The following PAXIP1 variants were observed in gnomAD, a reference collection of about 807,000 sequenced individuals.
PAXIP1 encodes PAX-interacting protein 1.
PAXIP1 carries 19 observed loss-of-function variants against 140.6 expected under a neutral mutation model. The ratio of observed to expected loss-of-function variants is 0.14; its 90% CI spans 0.09 to 0.20. The LOEUF (loss-of-function observed/expected upper bound fraction) is 0.20, where lower values mean the gene tolerates loss of function less well. Ranked by LOEUF, PAXIP1 falls within the 10% of genes least tolerant of loss-of-function variation. The pLI is 1.00. For synonymous variants in PAXIP1, 442 were observed against 444.6 expected (o/e 0.99, Z 0.07); for missense variants, 920 against 1,208.6 (o/e 0.76, Z 3.54).
At chr7:154,949,617 C>T (rs924966585) in intron 16 of PAXIP1, 4 of 152,132 alleles carry the variant, frequency 2.6e-5, no homozygotes, top group East Asian at 3.9e-4. Context: ...AGAGAAAACA[C>T]CACCGGGCGC....
At position 154,976,037 on chromosome 7, in the gene PAXIP1, C is replaced by T. The variant is rs931082587; in HGVS notation, c.733G>A (p.Gly245Arg). 8 of 1,608,232 alleles carry T rather than the reference C, an allele frequency of 5.0e-6. No individual in the cohort carries two copies. The highest frequency in any genetic ancestry group is 6.8e-6 in the Non-Finnish European group (8 of 1,176,810). ...GAAGAATCATCAAACATTAATTCCCCTTTAGATTTTTCAGTGTTGGATTTA... is the reference window on the plus strand; with the variant it reads ...GAAGAATCATCAAACATTAATTCCCTTTTAGATTTTTCAGTGTTGGATTTA... Reference protein sequence around the residue: ...SPKSNTEKSKGELMFDDSSDS... With the variant: ...SPKSNTEKSKRELMFDDSSDS... The change falls in exon 6 of 21, where the codon GGG (glycine) becomes AGG (arginine). Residue 245 changes from glycine (G) to arginine (R), a missense_variant. By Grantham distance (125) the Gly-to-Arg change is moderately radical. Around this residue, in one of 5 missense-constraint regions of PAXIP1, gnomAD observed 419 missense variants for 514.7 expected, o/e 0.81. Transcript: ENST00000404141.
intron 6 of PAXIP1, among the ~76,000 whole-genome samples, 165 bp downstream of exon 6, chr7:154,975,523 TACACACAC>T (rs35537788): frequency 1.9e-3 from 291 of 150,058 alleles, no homozygotes; most frequent in African/African-American, 4.2e-3. Context: ...TATATACACA[TACACACAC>T]ACACACACAC....
intron 5 of PAXIP1, among the ~76,000 whole-genome samples, chr7:154,978,219 G>T (rs1333572801): frequency 6.6e-6 from 1 of 152,162 alleles, no homozygotes; most frequent in Non-Finnish European, 1.5e-5. Context: ...TTCCTCTTCG[G>T]TTGCACAGCT....
chr7:154,978,512 T>C (rs1226756064), intron 5 of PAXIP1, among the ~76,000 whole-genome samples: 1 of 152,206 alleles, frequency 6.6e-6, no homozygotes, highest in Non-Finnish European at 1.5e-5. Context: ...TTCTTAAATA[T>C]TTAAAAGCAT....
chr7:154,996,652 T>C (rs1585088915), intron 2 of PAXIP1, among the ~76,000 whole-genome samples: 1 of 152,240 alleles, frequency 6.6e-6, no homozygotes, highest in Non-Finnish European at 1.5e-5. Flanking sequence ...CTACCGGCAG[T>C]GACTCTACAT....
chr7:154,996,351 T>TA (rs1273157794), intron 2 of PAXIP1, among the ~76,000 whole-genome samples: 3 of 152,158 alleles, frequency 2.0e-5, no homozygotes, highest in Non-Finnish European at 4.4e-5. Context: ...ACAGATGAAA[T>TA]ATGTCTGTCA....
rs369857090 is a variant in PAXIP1 at position 154,963,725 on chromosome 7, C to T, written c.1935G>A (p.Thr645=). 3.0e-5 allele frequency: 48 copies of T among 1,613,584 alleles called. No homozygotes were observed. The highest frequency in any genetic ancestry group is 5.0e-5 in the Admixed American group (3 of 59,992). ...AHGGTVDPTF[T]SRCTHLLCES... The stretch of plus-strand genomic sequence containing the variant: ...CACAGAGAAGGTGCGTGCATCGACT[C>T]GTGAAGGTGGGGTCAACAGTGCCGC... The change falls in exon 9 of 21, where the codon ACG becomes ACA. Residue 645 remains threonine, a synonymous_variant. Transcript: ENST00000404141. This position sits in a 1 kb window ranked among gnomAD's most constrained non-coding sequence, Gnocchi z 4.1.
In PAXIP1 at chr7:154,980,305, C is replaced by T. The variant is rs376826771; in HGVS notation, c.438+2914G>A. On this transcript the variant is annotated intron_variant, in intron 5 of 20. Transcript: ENST00000404141. ...GTCACTAATGGCAATGATCACTTACCCTTTATGTCATCATTACAACAGATA... is the reference window on the plus strand; with the variant it reads ...GTCACTAATGGCAATGATCACTTACTCTTTATGTCATCATTACAACAGATA... 2.2e-4 allele frequency among the ~76,000 whole-genome samples: 34 copies of T among 151,920 alleles called. No individual in the cohort carries two copies. The South Asian group carries it at 6.0e-3, about 27-fold the overall frequency.
chr7:154,945,637 T>C (rs530474382), intron 20 of PAXIP1: 2 of 839,800 alleles, frequency 2.4e-6, no homozygotes, highest in Middle Eastern at 6.2e-4. Flanking sequence ...TCCAGCCTCA[T>C]TGCAGGAGGC....
At position 154,969,135 on chromosome 7, in the gene PAXIP1, C is replaced by T. The variant is rs1201902619; in HGVS notation, c.1075-9G>A. 6 of 1,454,778 alleles carry T rather than the reference C, an allele frequency of 4.1e-6. No homozygotes were observed. The highest frequency in any genetic ancestry group is 1.5e-5 in the South Asian group (1 of 68,208). The allele number at this position is 1,454,778 out of a possible 1,614,324, so 90.1% of individuals were successfully genotyped here. A position where few individuals can be genotyped will look rare whatever the true frequency, so the allele number is the denominator to read the frequency against. On this transcript the variant is annotated splice_polypyrimidine_tract_variant and intron_variant, in intron 6 of 20. Transcript: ENST00000404141. ...GAAAGAGTCTGTAAGATCTACAAAACAAAAGTTAGGTGAAACATTATCAAC... is the reference window on the plus strand; with the variant it reads ...GAAAGAGTCTGTAAGATCTACAAAATAAAAGTTAGGTGAAACATTATCAAC...
At chr7:154,949,770 C>G (rs755227888) in intron 16 of PAXIP1, 1 of 152,094 alleles carries the variant, frequency 6.6e-6, no homozygotes, top group Non-Finnish European at 1.5e-5. Context: ...CAGGCGTCGT[C>G]GTGGTGGGCG....
At chr7:154,955,762 A>C (rs1178509621) in intron 14 of PAXIP1, 131 bp from the exon 15 acceptor site, 1 of 538,848 alleles carries the variant, frequency 1.9e-6, no homozygotes. Context: ...TTAAAGGAAA[A>C]ATACAATGAG....
intron 8 of PAXIP1, 43 bp downstream of exon 8, chr7:154,967,773 G>GC: frequency 7.5e-7 from 1 of 1,329,882 alleles, no homozygotes; most frequent in Non-Finnish European, 1.1e-6. Context: ...TAAGAAAGAA[G>GC]CATCTTCAGA....
At chr7:154,989,581 G>A (rs969161662) in intron 4 of PAXIP1, among the ~76,000 whole-genome samples, 6 of 152,108 alleles carry the variant, frequency 3.9e-5, no homozygotes, top group Admixed American at 6.5e-5. Context: ...ATTATTCCAC[G>A]TAATTTGTAA....
At chr7:154,989,576 T>C (rs778268296) in intron 4 of PAXIP1, among the ~76,000 whole-genome samples, 1 of 152,350 alleles carries the variant, frequency 6.6e-6, no homozygotes, top group Non-Finnish European at 1.5e-5. Context: ...AACAAATTAT[T>C]CCACGTAATT....
chr7:154,946,524 C>A lies in PAXIP1; in HGVS notation c.3121G>T (p.Ala1041Ser). The A allele has an allele frequency of 6.2e-7, 1 of 1,613,880 alleles. No homozygotes were observed. The highest frequency in any genetic ancestry group is 8.5e-7 in the Non-Finnish European group (1 of 1,179,794). Residue 1041 changes from alanine (A) to serine (S), a missense_variant, in exon 19 of 21, where the codon GCC becomes TCC. Ala to Ser is a moderately conservative substitution (Grantham distance 99). Transcript: ENST00000404141. The surrounding 1 kb of genome is among the most constrained non-coding windows in gnomAD (Gnocchi z 4.9). Reference protein sequence around the residue: ...NDLHLCREYFARGIDVHNAEF... With the variant: ...NDLHLCREYFSRGIDVHNAEF... ...CGGGGAAACGTACCTATGCCTCTGG[C>A]AAAATATTCTCGGCATAAATGAAGG...
chr7:154,960,354 A>C (rs1317109646), intron 12 of PAXIP1, among the ~76,000 whole-genome samples: 1 of 152,204 alleles, frequency 6.6e-6, no homozygotes. Flanking sequence ...TGTAACAGCA[A>C]GTCAGTCAAA....
chr7:155,002,932 TCGCGGCGGCCCGGGAGGCTC>T lies in PAXIP1; in HGVS notation c.-23_-4del. ...ACTTTGGGCGCCTGGTCCGACATGA[TCGCGGCGGCCCGGGAGGCTC>T]CGCGGCGGCGCCCGGCCCCGCCCAC... On this transcript the variant is annotated 5_prime_UTR_variant, in exon 1 of 21. Transcript: ENST00000404141. 1.5e-6 allele frequency: 2 copies of T among 1,307,352 alleles called. No individual in the cohort carries two copies. Among genetic ancestry groups the T allele is most frequent in the Non-Finnish European group, 2.0e-6 (2 of 1,002,804 alleles). The allele number at this position is 1,307,352 out of a possible 1,614,324, so 81.0% of individuals were successfully genotyped here.
rs61752004 is a variant in PAXIP1, at chr7:154,954,249, C to G, written c.2821+6G>C. Reference sequence around the variant, plus strand: ...TAAAAGCAAAGTTACTGGCGCTGCTCCTTACCAATGAACTTCTGACACCTG... The same window carrying G: ...TAAAAGCAAAGTTACTGGCGCTGCTGCTTACCAATGAACTTCTGACACCTG... On this transcript the variant is annotated splice_donor_region_variant and intron_variant, in intron 16 of 20. Coordinates refer to ENST00000404141, the MANE Select transcript of PAXIP1 (RefSeq NM_007349.4). The surrounding 1 kb of genome is among the most constrained non-coding windows in gnomAD (Gnocchi z 5.1). 2.0e-5 allele frequency: 30 copies of G among 1,515,536 alleles called. No homozygotes were observed. In the Middle Eastern group the frequency reaches 5.3e-4, roughly 27 times the overall value. 93.9% of individuals were successfully genotyped at this position (1,515,536 alleles called of 1,614,324 possible). A position where few individuals can be genotyped will look rare whatever the true frequency, so the allele number is the denominator to read the frequency against.
Sources: allele counts gnomAD v4.1 joint callset (sites outside exome capture counted in the v4.1 genomes callset), GRCh38; gene constraint gnomAD v4.1.1; regional missense constraint gnomAD v4.1.1; non-coding constraint Gnocchi (gnomAD v3.1); transcripts MANE v1.5; gene names NCBI Gene and HGNC (gene_info 2026-07-23, HGNC 2026-07-21).